DPRX: variants seen among roughly 807,000 people sequenced by gnomAD.
DPRX encodes the protein divergent paired-related homeobox.
A neutral mutation model predicts 8.4 loss-of-function variants in DPRX; 11 were observed. The ratio of observed to expected loss-of-function variants is 1.31; its 90% CI spans 0.82 to 2.17. The LOEUF (loss-of-function observed/expected upper bound fraction) is 2.17. Ranked by LOEUF, DPRX falls within the 30% of genes most tolerant of loss-of-function variation. The pLI is 0.00. For synonymous variants in DPRX, 72 were observed against 87.0 expected, an observed-to-expected ratio of 0.83 and a Z score of 0.96; for missense variants, 211 against 236.7, an observed-to-expected ratio of 0.89 and a Z score of 0.71.
the DPRX span, chr19:53,616,909 C>G: frequency 6.9e-7 from 1 of 1,447,948 alleles, no homozygotes; most frequent in South Asian, 1.1e-5. Context: ...TATGTATGCT[C>G]TGGTGGTGGT....
upstream of DPRX, among the ~76,000 whole-genome samples, chr19:53,628,438 A>G (rs947093175): frequency 8.5e-5 from 13 of 152,190 alleles, no homozygotes; most frequent in African/African-American, 2.9e-4. Flanking sequence ...TAGCTCTGAT[A>G]AGTGAACTTT....
intron 2 of DPRX, among the ~76,000 whole-genome samples, chr19:53,635,075 C>A (rs773121445): frequency 5.3e-5 from 8 of 152,194 alleles, no homozygotes; most frequent in Non-Finnish European, 1.0e-4. Context: ...CGGGCTCAAG[C>A]AATCCTACCA....
At chr19:53,612,937 G>A in the DPRX span, among the ~76,000 whole-genome samples, 5 of 151,912 alleles carry the variant, frequency 3.3e-5, no homozygotes, top group Non-Finnish European at 7.4e-5. Flanking sequence ...CTGGAATGAG[G>A]GTCATAGACC....
chr19:53,628,047 T>A (rs933212802), upstream of DPRX, among the ~76,000 whole-genome samples: 1 of 151,698 alleles, frequency 6.6e-6, no homozygotes, highest in Non-Finnish European at 1.5e-5. Context: ...TAAAAAAAAA[T>A]TTCTAAAGCA....
chr19:53,602,660 G>A, the DPRX span, among the ~76,000 whole-genome samples: 2,138 of 151,496 alleles, frequency 0.014, 26 homozygotes, highest in South Asian at 0.023. Flanking sequence ...CAGTCTCCCC[G>A]AGTAGCTGGG....
chr19:53,603,827 A>C, the DPRX span, among the ~76,000 whole-genome samples: 1 of 139,022 alleles, frequency 7.2e-6, no homozygotes, highest in Admixed American at 7.6e-5. Context: ...CACTGCAACC[A>C]CCCCCGCCTC....
the DPRX span, among the ~76,000 whole-genome samples, chr19:53,603,952 G>A: frequency 6.6e-6 from 1 of 151,804 alleles, no homozygotes; most frequent in Non-Finnish European, 1.5e-5. Flanking sequence ...CACCATGTTG[G>A]CCAGGCTGGT....
chr19:53,626,969 T>A, the DPRX span, among the ~76,000 whole-genome samples: 2 of 152,106 alleles, frequency 1.3e-5, no homozygotes, highest in Non-Finnish European at 2.9e-5. Context: ...CCCAAAGTGC[T>A]GGGGTTGACT....
At chr19:53,604,396 G>A in the DPRX span, 1 of 152,726 alleles carries the variant, frequency 6.5e-6, no homozygotes, top group Non-Finnish European at 1.5e-5. Flanking sequence ...TAGGACCCCA[G>A]TCTCACCTGA....
chr19:53,623,119 C>A, the DPRX span, among the ~76,000 whole-genome samples: 2 of 150,282 alleles, frequency 1.3e-5, no homozygotes, highest in African/African-American at 4.9e-5. Context: ...TCCTGGCTAA[C>A]ATGGTGGAAC....
At chr19:53,624,287 G>C in the DPRX span, among the ~76,000 whole-genome samples, 2 of 151,534 alleles carry the variant, frequency 1.3e-5, no homozygotes, top group Admixed American at 1.3e-4. Flanking sequence ...ACGGGGTTTT[G>C]CCTGTTGCCC....
upstream of DPRX, among the ~76,000 whole-genome samples, chr19:53,631,730 A>G (rs1405153475): frequency 6.6e-6 from 1 of 152,132 alleles, no homozygotes; most frequent in Non-Finnish European, 1.5e-5. Context: ...ATTGCGCTCC[A>G]GCCTGGGTGA....
the DPRX span, among the ~76,000 whole-genome samples, chr19:53,609,416 A>G: frequency 7.6e-6 from 1 of 131,070 alleles, no homozygotes; most frequent in African/African-American, 2.9e-5. Context: ...GCTGTGAGCC[A>G]AGACCACACC....
the DPRX span, chr19:53,601,354 G>A: frequency 1.3e-5 from 6 of 456,610 alleles, no homozygotes; most frequent in South Asian, 9.3e-5. Flanking sequence ...GACCAGAGGA[G>A]AACAGGCAAC....
the DPRX span, among the ~76,000 whole-genome samples, chr19:53,626,822 C>T: frequency 4.7e-4 from 72 of 152,224 alleles, no homozygotes; most frequent in South Asian, 7.0e-3. Context: ...CCTCAGCCTC[C>T]CGAGTAGCTG....
At chr19:53,618,001 G>A in the DPRX span, among the ~76,000 whole-genome samples, 2 of 151,894 alleles carry the variant, frequency 1.3e-5, no homozygotes, top group Non-Finnish European at 2.9e-5. Flanking sequence ...AGCCGGGCGT[G>A]GTGGTGGCGG....
the DPRX span, among the ~76,000 whole-genome samples, chr19:53,623,464 C>T: frequency 2.0e-5 from 3 of 150,658 alleles, no homozygotes; most frequent in Admixed American, 2.0e-4. Context: ...CATGGAGAAA[C>T]CCTATTTCTA....
the DPRX span, among the ~76,000 whole-genome samples, chr19:53,613,748 A>G: frequency 6.6e-6 from 1 of 151,836 alleles, no homozygotes; most frequent in Non-Finnish European, 1.5e-5. Context: ...AATCATTTCA[A>G]ACCCACATAA....
chr19:53,623,714 G>T, the DPRX span, among the ~76,000 whole-genome samples: 2 of 151,996 alleles, frequency 1.3e-5, no homozygotes, highest in Non-Finnish European at 2.9e-5. Flanking sequence ...GATTACGCTT[G>T]CCAAAGTAAG....
Sources: gnomAD v4.1 joint callset for allele counts (sites outside exome capture counted in the v4.1 genomes callset) on GRCh38, gnomAD v4.1.1 for gene constraint, MANE v1.5 for transcripts, NCBI Gene and HGNC (gene_info 2026-07-23, HGNC 2026-07-21) for gene names.